LZTFL1: variants seen among roughly 807,000 people sequenced by gnomAD.
LZTFL1 encodes the protein leucine zipper transcription factor like 1.
In LZTFL1, 25 loss-of-function variants were observed where a neutral mutation model predicts 45.9. The ratio of observed to expected loss-of-function variants is 0.54; its 90% CI spans 0.40 to 0.76. The LOEUF is 0.76. Among genes scored for constraint, LZTFL1 ranks in the 30% least tolerant of loss-of-function variants. The pLI, the probability that LZTFL1 is intolerant of heterozygous loss-of-function variation, is 0.00. For missense variants in LZTFL1, 277 were observed against 331.1 expected (o/e 0.84, Z 1.27); for synonymous variants, 93 against 117.4 (o/e 0.79, Z 1.35).
At chr3:45,857,522 A>G (rs975208656) in intron 3 of LZTFL1, among the ~76,000 whole-genome samples, 34 of 152,372 alleles carry the variant, frequency 2.2e-4, no homozygotes, top group African/African-American at 8.2e-4. Flanking sequence ...ATTAAATTAA[A>G]TTTAAAAATA....
intron 2 of LZTFL1, among the ~76,000 whole-genome samples, chr3:45,906,754 G>A (rs2125769548): frequency 6.6e-6 from 1 of 152,314 alleles, no homozygotes. Context: ...CCTTCATGAA[G>A]AAGCCACAGA....
chr3:45,850,768 G>A (rs774663960), intron 4 of LZTFL1, among the ~76,000 whole-genome samples: 3 of 152,046 alleles, frequency 2.0e-5, no homozygotes, highest in South Asian at 2.1e-4. Context: ...TAGTCTGTGC[G>A]TCCTTCACAG....
In LZTFL1 at chr3:45,842,026, G is replaced by A. The variant is rs1369916916; in HGVS notation, c.-35C>T. 41 of 1,605,942 alleles carry A rather than the reference G, an allele frequency of 2.6e-5. No individual in the cohort carries two copies. Among genetic ancestry groups the A allele is most frequent in the Middle Eastern group, 1.6e-4 (1 of 6,076 alleles). ...CAGCGGCGGCAGCCTAAAGGAACGGGAGAGGCCAGGCGGTGCCCCGCCAAG... is the reference window on the plus strand; with the variant it reads ...CAGCGGCGGCAGCCTAAAGGAACGGAAGAGGCCAGGCGGTGCCCCGCCAAG... On this transcript the variant is annotated 5_prime_UTR_variant, in exon 1 of 10. Coordinates refer to ENST00000296135, the MANE Select transcript of LZTFL1 (RefSeq NM_020347.4).
intron 2 of LZTFL1, chr3:45,903,219 G>A (rs1334611920): frequency 1.8e-5 from 3 of 165,988 alleles, no homozygotes; most frequent in Non-Finnish European, 2.9e-5. Context: ...TATCTCAATC[G>A]GATTGTTCAC....
rs568539784 is a variant in LZTFL1 at position 45,853,929 on chromosome 3, C to T, written c.-49+1057G>A. 7.9e-5 allele frequency among the ~76,000 whole-genome samples: 12 copies of T among 152,288 alleles called. No homozygotes were observed. In the East Asian group the frequency reaches 1.2e-3, roughly 15 times the overall value. On this transcript the variant is annotated intron_variant, in intron 4 of 4. Transcript: ENST00000472635. ...GACTTCTTGCACTTCACCTGTCATT[C>T]GCTCTGCATTTTGGCTTTCTTCTCC...
rs1006829923 is a variant in LZTFL1, at chr3:45,825,955, C to T, written c.*359G>A. 7 of 207,594 alleles carry T rather than the reference C, an allele frequency of 3.4e-5. No homozygotes were observed. Among genetic ancestry groups the T allele is most frequent in the African/African-American group, 1.6e-4 (7 of 43,590 alleles). The allele number at this position is 207,594 out of a possible 1,614,324, so 12.9% of individuals were successfully genotyped here. The stretch of plus-strand genomic sequence containing the variant: ...TTTACCCATGGGGAATGCATAAGTA[C>T]AAACATTGTTAGCTTATTTAACATT... On this transcript the variant is annotated 3_prime_UTR_variant, in exon 10 of 10. Transcript: ENST00000296135.
At chr3:45,867,716 T>C (rs1701600598) in intron 2 of LZTFL1, among the ~76,000 whole-genome samples, 2 of 152,094 alleles carry the variant, frequency 1.3e-5, no homozygotes, top group South Asian at 2.1e-4. Flanking sequence ...CAGTGGTGCA[T>C]GCCTGTAGTC....
intron 2 of LZTFL1, among the ~76,000 whole-genome samples, chr3:45,910,991 G>C (rs1354898143): frequency 6.6e-6 from 1 of 152,134 alleles, no homozygotes; most frequent in Non-Finnish European, 1.5e-5. Context: ...GATGCTGGCT[G>C]CCATGCAGGG....
At chr3:45,840,517 G>A (rs1388241878) in intron 1 of LZTFL1, among the ~76,000 whole-genome samples, 1 of 152,236 alleles carries the variant, frequency 6.6e-6, no homozygotes, top group East Asian at 1.9e-4. Flanking sequence ...TGCTAAATGA[G>A]AGGTAGATAT....
At chr3:45,881,907 T>C (rs1388110784) in intron 2 of LZTFL1, among the ~76,000 whole-genome samples, 2 of 152,266 alleles carry the variant, frequency 1.3e-5, no homozygotes, top group Admixed American at 1.3e-4. Context: ...GGTCTGGACC[T>C]GTACAATCCA....
rs116526961 is a variant in LZTFL1 at position 45,896,408 on chromosome 3, C to T, written c.-215+16712G>A. On this transcript the variant is annotated intron_variant, in intron 2 of 4. Coordinates refer to the LZTFL1 transcript ENST00000472635. The stretch of plus-strand genomic sequence containing the variant: ...ATGGGACCCCTGTGGCCCTGACTCC[C>T]ATATTCCATGGAAAGTAGCCGTGGC... 7.8e-3 allele frequency among the ~76,000 whole-genome samples: 1,194 copies of T among 152,330 alleles called. 12 individuals are homozygous for T. The highest frequency in any genetic ancestry group is 0.012 in the Non-Finnish European group (832 of 68,034).
intron 2 of LZTFL1, among the ~76,000 whole-genome samples, chr3:45,899,929 A>T (rs1352890569): frequency 2.0e-5 from 3 of 152,150 alleles, no homozygotes; most frequent in Non-Finnish European, 2.9e-5. Context: ...GTGTGTGTGT[A>T]TGCGCATATA....
intron 8 of LZTFL1, among the ~76,000 whole-genome samples, chr3:45,828,217 G>A (rs572085662): frequency 1.3e-5 from 2 of 152,324 alleles, no homozygotes; most frequent in Admixed American, 6.5e-5. Flanking sequence ...ACACCATAGA[G>A]GGAGAGGAGA....
Position 45,913,377 on chromosome 3 carries a change from T to C in LZTFL1, c.-272-200A>G, listed in dbSNP as rs186713731. On this transcript the variant is annotated intron_variant, in intron 1 of 4. Transcript: ENST00000472635. ...GCCTATAGCCCCTTTCTCAGAATGC[T>C]TTAAAATGCAAACAATAAAATAGAA... Among the ~76,000 whole-genome samples, 219 of 152,262 alleles carry C rather than the reference T, an allele frequency of 1.4e-3. 1 individual carries two copies. The highest frequency in any genetic ancestry group is 2.8e-3 in the Non-Finnish European group (191 of 68,022).
At chr3:45,867,103 A>T (rs1368485381) in intron 2 of LZTFL1, among the ~76,000 whole-genome samples, 5 of 140,900 alleles carry the variant, frequency 3.5e-5, no homozygotes, top group Non-Finnish European at 7.5e-5. Context: ...AGCCGAGATC[A>T]TGCCACTACA....
upstream of LZTFL1, chr3:45,915,674 A>G: frequency 2.8e-6 from 1 of 356,960 alleles, no homozygotes; most frequent in Non-Finnish European, 5.7e-6. Flanking sequence ...AAGGCTTTAG[A>G]TGGGGCTGTC....
At chr3:45,883,736 T>C in intron 2 of LZTFL1, 1 of 564,110 alleles carries the variant, frequency 1.8e-6, no homozygotes, top group Non-Finnish European at 3.3e-6. Context: ...CCAAAAGGCC[T>C]GCCTTGGCAG....
In LZTFL1 at chr3:45,827,361, C is replaced by T; in HGVS notation, c.876G>A (p.Leu292=). The T allele has an allele frequency of 1.9e-6, 3 of 1,607,700 alleles. No individual in the cohort carries two copies. The highest frequency in any genetic ancestry group is 2.2e-5 in the East Asian group (1 of 44,830). The change falls in exon 9 of 10, where the codon CTG becomes CTA. Residue 292 remains leucine, a synonymous_variant. Coordinates refer to ENST00000296135, the MANE Select transcript of LZTFL1 (RefSeq NM_020347.4). The part of the protein sequence containing the change: ...NDQIKDLRKR[L]AQYEPED Reference sequence around the variant, plus strand: ...GCGGGATCAGTGTGGCTTACTGTGCCAGTCTTTTCCTCAGATCTTTGATTT... The same window carrying T: ...GCGGGATCAGTGTGGCTTACTGTGCTAGTCTTTTCCTCAGATCTTTGATTT...
upstream of LZTFL1, among the ~76,000 whole-genome samples, chr3:45,846,845 G>C (rs1181807189): frequency 6.6e-6 from 1 of 152,032 alleles, no homozygotes; most frequent in Non-Finnish European, 1.5e-5. Context: ...TTATGGAAAT[G>C]CATAATTTCT....
Sources: allele counts gnomAD v4.1 joint callset (sites outside exome capture counted in the v4.1 genomes callset), GRCh38; gene constraint gnomAD v4.1.1; transcripts MANE v1.5; gene names NCBI Gene and HGNC (gene_info 2026-07-23, HGNC 2026-07-21).